MKNK2: variants seen among roughly 807,000 people sequenced by gnomAD.
The protein encoded by MKNK2 is MAPK interacting serine/threonine kinase 2.
Under a neutral mutation model 55.0 loss-of-function variants are expected in MKNK2, and 54 were observed. The ratio of observed to expected loss-of-function variants is 0.98; its 90% CI spans 0.79 to 1.23. The LOEUF is 1.23. MKNK2 is among the 50% of genes most tolerant of loss of function. The pLI, the probability that MKNK2 is intolerant of heterozygous loss-of-function variation, is 0.00. For synonymous variants in MKNK2, 323 were observed against 256.0 expected, an observed-to-expected ratio of 1.26 and a Z score of -2.50; for missense variants, 685 against 632.1, an observed-to-expected ratio of 1.08 and a Z score of -0.90.
chr19:2,038,215 A>G lies in MKNK2; in HGVS notation c.*1398T>C. The G allele has an allele frequency of 1.0e-6, 1 of 994,980 alleles. No homozygotes were observed. The highest frequency in any genetic ancestry group is 1.8e-5 in the African/African-American group (1 of 56,842). 61.6% of individuals were successfully genotyped at this position (994,980 alleles called of 1,614,324 possible). On this transcript the variant is annotated 3_prime_UTR_variant, in exon 14 of 14. Coordinates refer to ENST00000250896, the MANE Select transcript of MKNK2 (RefSeq NM_199054.3). ...GCCCCCCGACATTCAAGTATTCTTC[A>G]AGAACAGGGAAGCAAAGTCCATCGA... is the stretch of plus-strand genomic sequence containing the variant.
In MKNK2 at chr19:2,039,262, G is replaced by A; in HGVS notation, c.*351C>T. ...TCTCCTGAGTCACTGCAAGCCACGT[G>A]GGCAGATGGCGGGCAGCACAGGTGA... On this transcript the variant is annotated 3_prime_UTR_variant, in exon 14 of 14. Transcript: ENST00000250896. 8.8e-7 allele frequency: 1 copy of A among 1,141,096 alleles called. No individual in the cohort carries two copies. Among genetic ancestry groups the A allele is most frequent in the Non-Finnish European group, 1.1e-6 (1 of 925,038 alleles). The allele number at this position is 1,141,096 out of a possible 1,614,324, so 70.7% of individuals were successfully genotyped here.
intron 10 of MKNK2, 44 bp from the exon 11 acceptor site, chr19:2,042,078 T>C (rs1434943710): frequency 7.0e-7 from 1 of 1,435,392 alleles, no homozygotes; most frequent in South Asian, 1.4e-5. Context: ...TTCCCAGCAT[T>C]ACGTGGGAAC....
Position 2,038,538 on chromosome 19 carries a change from GCC to G in MKNK2, c.*1073_*1074del. On this transcript the variant is annotated 3_prime_UTR_variant, in exon 14 of 14. Transcript: ENST00000250896. Reference sequence around the variant, plus strand: ...TGCCCGAAGGGAGGCCGAGGCCGCAGCCGTTTTCCTGAAGGTGGCAGACCAAA... The same window carrying G: ...TGCCCGAAGGGAGGCCGAGGCCGCAGGTTTTCCTGAAGGTGGCAGACCAAA... 8 of 985,712 alleles carry G rather than the reference GCC, an allele frequency of 8.1e-6. No individual in the cohort carries two copies. Among genetic ancestry groups the G allele is most frequent in the Non-Finnish European group, 9.6e-6 (8 of 830,082 alleles). 61.1% of individuals were successfully genotyped at this position (985,712 alleles called of 1,614,324 possible).
chr19:2,049,083 CCT>C (rs1206493005), intron 2 of MKNK2, among the ~76,000 whole-genome samples: 1 of 152,208 alleles, frequency 6.6e-6, no homozygotes, highest in Admixed American at 6.5e-5. Context: ...CCACCGTTCC[CCT>C]GTGCCAGCCA....
chr19:2,041,142 G>C lies in MKNK2; in HGVS notation c.1008C>G (p.His336Gln). The C allele has an allele frequency of 1.2e-6, 2 of 1,614,060 alleles. No homozygotes were observed. The highest frequency in any genetic ancestry group is 1.7e-6 in the Non-Finnish European group (2 of 1,179,948). ...KYEFPDKDWA[H>Q]ISCAAKDLIS... ...TGAGGTCTTTGGCAGCGCAGGAGAT[G>C]TGGGCCCAGTCCTTGTCGGGGAACT... The change falls in exon 12 of 14, where the codon CAC becomes CAG. Residue 336 changes from histidine (H) to glutamine (Q), a missense_variant. His to Gln is a conservative substitution (Grantham distance 24). Coordinates refer to ENST00000250896, the MANE Select transcript of MKNK2 (RefSeq NM_199054.3).
At position 2,039,325 on chromosome 19, in the gene MKNK2, G is replaced by A. The variant is rs1418066975; in HGVS notation, c.*288C>T. ...TTCATAGTAGAGGTGAGCAGGGCGG[G>A]GGACCGGGGAGGGGACAAGCCCACC... On this transcript the variant is annotated 3_prime_UTR_variant, in exon 14 of 14. Transcript: ENST00000250896. 3.5e-5 allele frequency: 46 copies of A among 1,308,234 alleles called. No homozygotes were observed. The highest frequency in any genetic ancestry group is 4.4e-5 in the Non-Finnish European group (45 of 1,025,402). 81.0% of individuals were successfully genotyped at this position (1,308,234 alleles called of 1,614,324 possible).
chr19:2,039,997 A>C, intron 13 of MKNK2, 137 bp downstream of exon 13: 1 of 1,374,934 alleles, frequency 7.3e-7, no homozygotes, highest in Non-Finnish European at 1.0e-6. Flanking sequence ...CCAGGGCCCC[A>C]CCGGGAGCTT....
intron 10 of MKNK2, 180 bp downstream of exon 10, chr19:2,042,247 C>G: frequency 2.7e-6 from 2 of 732,996 alleles, no homozygotes; most frequent in South Asian, 1.9e-5. Context: ...GGCCAAACAC[C>G]GACGCGTTGG....
intron 2 of MKNK2, among the ~76,000 whole-genome samples, chr19:2,050,449 C>G (rs1018302243): frequency 6.6e-6 from 1 of 152,204 alleles, no homozygotes; most frequent in Non-Finnish European, 1.5e-5. Flanking sequence ...CATGCAGCGA[C>G]TGGGACAGGA....
chr19:2,045,274 G>A (rs1470102597), intron 5 of MKNK2, among the ~76,000 whole-genome samples: 1 of 152,164 alleles, frequency 6.6e-6, no homozygotes, highest in African/African-American at 2.4e-5. Context: ...AACCCCCTGA[G>A]CCTCAGTGTC....
intron 11 of MKNK2, among the ~76,000 whole-genome samples, 158 bp downstream of exon 11, chr19:2,041,682 G>A (rs1478893233): frequency 6.6e-6 from 1 of 152,044 alleles, no homozygotes; most frequent in Admixed American, 6.5e-5. Flanking sequence ...GGTCTGGGGA[G>A]CACACAGGGC....
intron 6 of MKNK2, 30 bp downstream of exon 6, chr19:2,043,473 C>T: frequency 6.3e-7 from 1 of 1,598,964 alleles, no homozygotes; most frequent in Non-Finnish European, 8.6e-7. Flanking sequence ...ACAGCTCAGG[C>T]CAGTGCGGTG....
At chr19:2,045,987 T>C (rs2016986899) in intron 5 of MKNK2, among the ~76,000 whole-genome samples, 199 bp downstream of exon 5, 1 of 152,176 alleles carries the variant, frequency 6.6e-6, no homozygotes, top group Admixed American at 6.5e-5. Flanking sequence ...GCACAGTGCC[T>C]CTGTCTGAAG....
At position 2,048,732 on chromosome 19, in the gene MKNK2, C is replaced by T. The variant is rs996819922; in HGVS notation, c.52-2041G>A. On this transcript the variant is annotated intron_variant, in intron 2 of 13. Coordinates refer to ENST00000250896, the MANE Select transcript of MKNK2 (RefSeq NM_199054.3). ...GGCCGTGAGCCAAGCTGCCCTCCTGCCTCCCCACCCACCCTGGCTCGGGCA... is the reference window on the plus strand; with the variant it reads ...GGCCGTGAGCCAAGCTGCCCTCCTGTCTCCCCACCCACCCTGGCTCGGGCA... Among the ~76,000 whole-genome samples, 5 of 152,230 alleles carry T rather than the reference C, an allele frequency of 3.3e-5. No homozygotes were observed. In the East Asian group the frequency reaches 7.7e-4, roughly 24 times the overall value.
chr19:2,037,770 C>T lies in MKNK2; in HGVS notation c.*1843G>A. ...ATTCACAGTAACGGTTCTGACCAGT[C>T]CTCCAGGTCGCACGTGGATGCGACA... On this transcript the variant is annotated 3_prime_UTR_variant, in exon 14 of 14. Transcript: ENST00000250896. 1 of 1,608,048 alleles carries T rather than the reference C, an allele frequency of 6.2e-7. No individual in the cohort carries two copies. Among genetic ancestry groups the T allele is most frequent in the Non-Finnish European group, 8.5e-7 (1 of 1,176,714 alleles).
intron 10 of MKNK2, 102 bp from the exon 11 acceptor site, chr19:2,042,136 GC>G: frequency 8.8e-7 from 1 of 1,136,242 alleles, no homozygotes; most frequent in Non-Finnish European, 1.2e-6. Context: ...CTCGGACCCC[GC>G]CCCGCCGGGC....
rs1197446073 is a variant in MKNK2, at chr19:2,037,853, AAC to A, written c.*1758_*1759del. ...ACCTTCAGAAAAAAAAAAAAAAACA[AAC>A]AAACAAACGCTGCTAGCCACTCAGC... On this transcript the variant is annotated 3_prime_UTR_variant, in exon 14 of 14. Coordinates refer to ENST00000250896, the MANE Select transcript of MKNK2 (RefSeq NM_199054.3). The A allele has an allele frequency of 3.0e-5, 47 of 1,575,224 alleles. No individual in the cohort carries two copies. The highest frequency in any genetic ancestry group is 2.6e-4 in the African/African-American group (19 of 72,942).
At chr19:2,049,982 G>A (rs1379115403) in intron 2 of MKNK2, among the ~76,000 whole-genome samples, 3 of 152,054 alleles carry the variant, frequency 2.0e-5, no homozygotes, top group Non-Finnish European at 2.9e-5. Context: ...CTTCCCTACC[G>A]GGCAACAGGT....
chr19:2,047,263 G>A (rs899284586), intron 2 of MKNK2, among the ~76,000 whole-genome samples: 21 of 152,290 alleles, frequency 1.4e-4, no homozygotes, highest in Admixed American at 9.2e-4. Flanking sequence ...CTCCTGGCAC[G>A]GAGTGGGGTG....
Sources: allele counts gnomAD v4.1 joint callset (sites outside exome capture counted in the v4.1 genomes callset), GRCh38; gene constraint gnomAD v4.1.1; transcripts MANE v1.5; gene names NCBI Gene and HGNC (gene_info 2026-07-23, HGNC 2026-07-21).